Variants in CERS6 observed in about 807,000 individuals in gnomAD.
The protein encoded by CERS6 is ceramide synthase 6, also known as LAG1 homolog, ceramide synthase 6.
Under a neutral mutation model 56.8 loss-of-function variants are expected in CERS6, and 26 were observed. That is an observed-to-expected ratio of 0.46 (90% CI 0.34 to 0.63). CERS6 has a LOEUF of 0.63. CERS6 is among the 30% of genes least tolerant of loss of function. CERS6 has a pLI of 0.01. For synonymous variants in CERS6, 164 were observed against 173.3 expected (o/e 0.95, Z 0.42); for missense variants, 415 against 467.5 (o/e 0.89, Z 1.04).
chr2:168,762,581 C>G (rs550456819), intron 8 of CERS6, among the ~76,000 whole-genome samples: 1 of 152,264 alleles, frequency 6.6e-6, no homozygotes, highest in South Asian at 2.1e-4. Context: ...ACCAATTTGG[C>G]CTATGTATAT....
chr2:168,722,988 A>C (rs1210129864), intron 8 of CERS6, among the ~76,000 whole-genome samples: 2 of 152,100 alleles, frequency 1.3e-5, no homozygotes, highest in Admixed American at 1.3e-4. Flanking sequence ...TGCAATTTTT[A>C]TATCCACTCT....
chr2:168,645,113 AAAAATATATAT>A (rs1442966337), intron 4 of CERS6, among the ~76,000 whole-genome samples: 1 of 49,974 alleles, frequency 2.0e-5, no homozygotes, highest in Non-Finnish European at 3.9e-5. Context: ...AAAAAAAAAA[AAAAATATATAT>A]ATATATATAT....
intron 1 of CERS6, among the ~76,000 whole-genome samples, chr2:168,538,325 C>T (rs1257957451): frequency 6.6e-6 from 1 of 151,958 alleles, no homozygotes; most frequent in South Asian, 2.1e-4. Flanking sequence ...CACTTCATTC[C>T]TCCTGTACTG....
At chr2:168,574,216 T>A (rs190531564) in intron 3 of CERS6, among the ~76,000 whole-genome samples, 1 of 152,338 alleles carries the variant, frequency 6.6e-6, no homozygotes, top group Admixed American at 6.5e-5. Flanking sequence ...CTGGATTGAT[T>A]TAAAAATAAA....
At chr2:168,747,518 G>A (rs1164252251) in intron 8 of CERS6, among the ~76,000 whole-genome samples, 1 of 152,052 alleles carries the variant, frequency 6.6e-6, no homozygotes, top group Non-Finnish European at 1.5e-5. Context: ...CCGTAAAAGT[G>A]ACTTTGAAGG....
At chr2:168,492,465 GT>G (rs1184515964) in intron 1 of CERS6, among the ~76,000 whole-genome samples, 1 of 152,042 alleles carries the variant, frequency 6.6e-6, no homozygotes, top group African/African-American at 2.4e-5. Flanking sequence ...TGATGGGGTT[GT>G]TTTTTTCTTG....
chr2:168,559,615 CCAGCTTCTAATACCATCACAA>C (rs1383945797), intron 2 of CERS6, among the ~76,000 whole-genome samples: 1 of 150,994 alleles, frequency 6.6e-6, no homozygotes, highest in Non-Finnish European at 1.5e-5. Context: ...CTCAAAGGCT[CCAGCTTCTAATACCATCACAA>C]TGGGCATGTG....
At chr2:168,645,108 A>ATATAT (rs1559033995) in intron 4 of CERS6, among the ~76,000 whole-genome samples, 3 of 67,534 alleles carry the variant, frequency 4.4e-5, no homozygotes, top group African/African-American at 1.7e-4. Context: ...AAAAAAAAAA[A>ATATAT]AAAAAAAAAT....
At chr2:168,511,524 A>G (rs1462521542) in intron 1 of CERS6, among the ~76,000 whole-genome samples, 1 of 152,120 alleles carries the variant, frequency 6.6e-6, no homozygotes, top group Non-Finnish European at 1.5e-5. Context: ...CCAGTGTTGG[A>G]CAAGAGTTGG....
chr2:168,731,280 G>A (rs901074057), intron 8 of CERS6, among the ~76,000 whole-genome samples: 14 of 152,042 alleles, frequency 9.2e-5, no homozygotes, highest in African/African-American at 2.9e-4. Flanking sequence ...TAATTCTGTC[G>A]TGCTCTGCAG....
intron 4 of CERS6, among the ~76,000 whole-genome samples, chr2:168,641,622 A>G (rs1435870859): frequency 2.6e-5 from 4 of 152,012 alleles, no homozygotes; most frequent in Admixed American, 6.6e-5. Flanking sequence ...TTAAATCTCT[A>G]TTGTATAGGT....
intron 4 of CERS6, among the ~76,000 whole-genome samples, chr2:168,657,616 A>G (rs111569517): frequency 0.17 from 25,713 of 152,152 alleles, 2,381 homozygotes; most frequent in South Asian, 0.33. Context: ...GCGAGAAATC[A>G]AGTGCAGCGC....
intron 8 of CERS6, among the ~76,000 whole-genome samples, chr2:168,741,695 A>G (rs544523492): frequency 6.6e-6 from 1 of 152,300 alleles, no homozygotes; most frequent in Middle Eastern, 3.4e-3. Flanking sequence ...TATATATATA[A>G]TAAGTAAGGA....
At chr2:168,726,639 G>A (rs6754773) in intron 8 of CERS6, among the ~76,000 whole-genome samples, 52,585 of 151,934 alleles carry the variant, frequency 0.35, 11,511 homozygotes, top group Non-Finnish European at 0.48. Context: ...TGTCCTCATC[G>A]GTAAAATAAT....
intron 3 of CERS6, among the ~76,000 whole-genome samples, chr2:168,610,878 G>A (rs1684173046): frequency 6.6e-6 from 1 of 152,098 alleles, no homozygotes; most frequent in South Asian, 2.1e-4. Flanking sequence ...TGCAATCTCG[G>A]CTCACTGCAA....
chr2:168,482,325 C>T (rs1694191819), intron 1 of CERS6, among the ~76,000 whole-genome samples: 1 of 152,190 alleles, frequency 6.6e-6, no homozygotes. Context: ...GTTCGTGGAA[C>T]AAAGCCACTA....
In CERS6 at chr2:168,724,594, C is replaced by T. The variant is rs565028526; in HGVS notation, c.845+6616C>T. ...ACCAGATTAGCTAGATACAGAGTGC[C>T]GATTGGTGTATTTACAATCCCTGAG... is the stretch of plus-strand genomic sequence containing the variant. On this transcript the variant is annotated intron_variant, in intron 8 of 9. Coordinates refer to ENST00000305747, the MANE Select transcript of CERS6 (RefSeq NM_203463.3). Among the ~76,000 whole-genome samples the T allele has an allele frequency of 2.6e-5, 4 of 152,044 alleles. No individual in the cohort carries two copies. In the South Asian group the frequency reaches 6.2e-4, roughly 24 times the overall value.
rs576458249 is a variant in CERS6 at position 168,475,715 on chromosome 2, T to C, written c.170+19097T>C. Among the ~76,000 whole-genome samples, 4 of 152,334 alleles carry C rather than the reference T, an allele frequency of 2.6e-5. No homozygotes were observed. The South Asian group carries it at 8.3e-4, about 32-fold the overall frequency. ...GTAGCTAGTTTCTTAATAATATTTC[T>C]TGGTTTTAGAAAATTGATATAAAGC... On this transcript the variant is annotated intron_variant, in intron 1 of 9. Transcript: ENST00000305747.
chr2:168,737,246 T>C (rs993333490), intron 8 of CERS6, among the ~76,000 whole-genome samples: 16 of 152,102 alleles, frequency 1.1e-4, no homozygotes, highest in Non-Finnish European at 1.9e-4. Context: ...AAAAACACAA[T>C]GAAAACCTTT....
Sources: gnomAD v4.1 joint callset for allele counts (sites outside exome capture counted in the v4.1 genomes callset) on GRCh38, gnomAD v4.1.1 for gene constraint, MANE v1.5 for transcripts, NCBI Gene and HGNC (gene_info 2026-07-23, HGNC 2026-07-21) for gene names.